LRIG1: variants seen among roughly 807,000 people sequenced by gnomAD.
LRIG1 encodes leucine-rich repeats and immunoglobulin-like domains protein 1.
LRIG1 carries 48 observed loss-of-function variants against 99.2 expected under a neutral mutation model. The observed-to-expected ratio is 0.48, with a 90% CI of 0.38 to 0.62. The LOEUF (loss-of-function observed/expected upper bound fraction) is 0.62. LRIG1 is among the 20% of genes least tolerant of loss of function. LRIG1 has a pLI of 0.00. For synonymous variants in LRIG1, 772 were observed against 596.1 expected (o/e 1.29, Z -4.30); for missense variants, 1,646 against 1,434.4 (o/e 1.15, Z -2.38).
In LRIG1 at chr3:66,382,277, G is replaced by A; in HGVS notation, c.2613C>T (p.Ser871=). ...TCACAGTTACTGAGGCCTTACCATTGCTCTCAATGTGCCCATTGGCCTGAG... is the reference window on the plus strand; with the variant it reads ...TCACAGTTACTGAGGCCTTACCATTACTCTCAATGTGCCCATTGGCCTGAG... ...GGPQANGHIE[S]NGVCPRDASH... The change falls in exon 16 of 19, where the codon AGC becomes AGT. Residue 871 remains serine (S), a synonymous_variant. Coordinates refer to ENST00000273261, the MANE Select transcript of LRIG1 (RefSeq NM_015541.3). 6.2e-7 allele frequency: 1 copy of A among 1,614,122 alleles called. No homozygotes were observed. Among genetic ancestry groups the A allele is most frequent in the Non-Finnish European group, 8.5e-7 (1 of 1,180,008 alleles).
chr3:66,472,327 A>C (rs1445169578), intron 1 of LRIG1, among the ~76,000 whole-genome samples: 2 of 148,792 alleles, frequency 1.3e-5, no homozygotes, highest in Non-Finnish European at 3.0e-5. Context: ...AAAAAAAAAA[A>C]AAAAAACACT....
At chr3:66,382,248 T>C (rs757823879) in intron 16 of LRIG1, 25 bp downstream of exon 16, 1 of 1,613,602 alleles carries the variant, frequency 6.2e-7, no homozygotes, top group Non-Finnish European at 8.5e-7. Flanking sequence ...AGCAGAGCTC[T>C]GCTTCACAGT....
chr3:66,396,654 G>A (rs1480832750), intron 11 of LRIG1, among the ~76,000 whole-genome samples: 1 of 152,218 alleles, frequency 6.6e-6, no homozygotes, highest in Non-Finnish European at 1.5e-5. Context: ...GCTTCTGGAA[G>A]GGTCCAGTTC....
chr3:66,412,828 C>A, intron 6 of LRIG1, 43 bp downstream of exon 6: 1 of 1,610,262 alleles, frequency 6.2e-7, no homozygotes, highest in Non-Finnish European at 8.5e-7. Flanking sequence ...CACCACACCG[C>A]ACAGCAATCC....
chr3:66,389,501 G>C (rs1462759932), intron 12 of LRIG1, among the ~76,000 whole-genome samples: 1 of 152,124 alleles, frequency 6.6e-6, no homozygotes, highest in African/African-American at 2.4e-5. Context: ...CAAATAAGCA[G>C]TCACCAAAAG....
rs757555467 is a variant in LRIG1 at position 66,379,318 on chromosome 3, A to G, written c.*945T>C. On this transcript the variant is annotated 3_prime_UTR_variant, in exon 19 of 19. Coordinates refer to ENST00000273261, the MANE Select transcript of LRIG1 (RefSeq NM_015541.3). ...CTTAGTAGAAATAAGGTAGCCCTGA[A>G]AAGTCAGAACTTCCTCCTTTCTGTC... 1 of 152,548 alleles carries G rather than the reference A, an allele frequency of 6.6e-6. No individual in the cohort carries two copies. The highest frequency in any genetic ancestry group is 2.4e-5 in the African/African-American group (1 of 41,430). The allele number at this position is 152,548 out of a possible 1,614,324, so 9.4% of individuals were successfully genotyped here.
chr3:66,437,855 A>AAGGT (rs1265383650), intron 3 of LRIG1, among the ~76,000 whole-genome samples: 1 of 152,130 alleles, frequency 6.6e-6, no homozygotes, highest in African/African-American at 2.4e-5. Context: ...ATTCCAGATC[A>AAGGT]AGGTAGCAAA....
chr3:66,473,325 T>C (rs1343120649), intron 1 of LRIG1, among the ~76,000 whole-genome samples: 1 of 152,196 alleles, frequency 6.6e-6, no homozygotes, highest in African/African-American at 2.4e-5. Flanking sequence ...AAACCCTTCC[T>C]GGGAAGCCAG....
intron 3 of LRIG1, among the ~76,000 whole-genome samples, chr3:66,441,787 C>T (rs1435255533): frequency 1.3e-5 from 2 of 152,188 alleles, no homozygotes; most frequent in African/African-American, 4.8e-5. Flanking sequence ...CCACATACTT[C>T]CAAGTGTACA....
intron 1 of LRIG1, among the ~76,000 whole-genome samples, chr3:66,485,917 C>T (rs151178841): frequency 3.3e-5 from 5 of 152,322 alleles, no homozygotes; most frequent in Admixed American, 1.3e-4. Context: ...AAAGACCAAT[C>T]GGCCTCCAGG....
At chr3:66,434,249 G>A (rs756223810) in intron 3 of LRIG1, among the ~76,000 whole-genome samples, 4 of 151,980 alleles carry the variant, frequency 2.6e-5, no homozygotes, top group Admixed American at 6.6e-5. Context: ...CAAAACTCAA[G>A]AGCAAAACAA....
At chr3:66,438,708 G>A (rs1367234492) in intron 3 of LRIG1, among the ~76,000 whole-genome samples, 2 of 152,184 alleles carry the variant, frequency 1.3e-5, no homozygotes, top group African/African-American at 2.4e-5. Flanking sequence ...GGCTTCCCCT[G>A]CAGCAGAGAT....
chr3:66,404,520 C>A, intron 9 of LRIG1: 1 of 773,098 alleles, frequency 1.3e-6, no homozygotes, highest in Non-Finnish European at 1.7e-6. Context: ...GCTTTGGAGC[C>A]AAACAAGCAA....
At chr3:66,459,768 C>T (rs1700314766) in intron 2 of LRIG1, among the ~76,000 whole-genome samples, 1 of 152,126 alleles carries the variant, frequency 6.6e-6, no homozygotes, top group South Asian at 2.1e-4. Flanking sequence ...GCCAAAAACC[C>T]AGTCACGAGG....
chr3:66,382,465 T>TGTCA, intron 15 of LRIG1, 67 bp from the exon 16 acceptor site: 1 of 1,585,994 alleles, frequency 6.3e-7, no homozygotes. Context: ...ACACGTTCAC[T>TGTCA]GTCAAGCTCA....
At chr3:66,403,282 C>T (rs1254770874) in intron 9 of LRIG1, among the ~76,000 whole-genome samples, 1 of 152,166 alleles carries the variant, frequency 6.6e-6, no homozygotes, top group Non-Finnish European at 1.5e-5. Flanking sequence ...GCCACATAAC[C>T]ATGATAGCAT....
intron 3 of LRIG1, among the ~76,000 whole-genome samples, chr3:66,443,489 G>A (rs1703616755): frequency 6.6e-6 from 1 of 152,216 alleles, no homozygotes; most frequent in Non-Finnish European, 1.5e-5. Context: ...ACTTACACCT[G>A]TAACTTACAC....
intron 1 of LRIG1, among the ~76,000 whole-genome samples, chr3:66,487,222 C>G (rs913083318): frequency 6.6e-6 from 1 of 152,210 alleles, no homozygotes; most frequent in Non-Finnish European, 1.5e-5. Flanking sequence ...GCTATGACTT[C>G]TCATTGAGGG....
At chr3:66,489,569 G>A (rs1424451832) in intron 1 of LRIG1, among the ~76,000 whole-genome samples, 2 of 150,718 alleles carry the variant, frequency 1.3e-5, no homozygotes, top group Non-Finnish European at 2.9e-5. Context: ...CACACACAGA[G>A]AGAGAGAGAA....
Sources: allele counts gnomAD v4.1 joint callset (sites outside exome capture counted in the v4.1 genomes callset), GRCh38; gene constraint gnomAD v4.1.1; transcripts MANE v1.5; gene names NCBI Gene and HGNC (gene_info 2026-07-23, HGNC 2026-07-21).